The following DPP6 variants were observed in gnomAD, a reference collection of about 807,000 sequenced individuals.
The protein encoded by DPP6 is A-type potassium channel modulatory protein DPP6.
Under a neutral mutation model 122.6 loss-of-function variants are expected in DPP6, and 69 were observed. The ratio of observed to expected loss-of-function variants is 0.56; its 90% CI spans 0.46 to 0.69. The LOEUF (loss-of-function observed/expected upper bound fraction) is 0.69, where lower values mean the gene tolerates loss of function less well. DPP6 is among the 30% of genes least tolerant of loss of function. DPP6 has a pLI of 0.00. For synonymous variants in DPP6, 418 were observed against 433.1 expected, an observed-to-expected ratio of 0.97 and a Z score of 0.43; for missense variants, 928 against 1,116.9, an observed-to-expected ratio of 0.83 and a Z score of 2.41.
In DPP6 at chr7:153,923,617, C is replaced by T. The variant is rs568853461; in HGVS notation, c.51+35883C>T. 5.3e-5 allele frequency among the ~76,000 whole-genome samples: 8 copies of T among 151,898 alleles called. No homozygotes were observed. The South Asian group carries it at 8.3e-4, about 16-fold the overall frequency. On this transcript the variant is annotated intron_variant, in intron 1 of 25. Coordinates refer to the DPP6 transcript ENST00000404039. ...TCTACTAAAAATACAAAAAATTAGC[C>T]GGGCATGGTGGCGGGCACCTGTAGT...
At chr7:154,480,053 G>C (rs1823120752) in intron 3 of DPP6, among the ~76,000 whole-genome samples, 1 of 150,562 alleles carries the variant, frequency 6.6e-6, no homozygotes, top group Admixed American at 6.6e-5. Flanking sequence ...CCTGTCTGCT[G>C]TCTGCACTCA....
At chr7:154,499,659 TA>T (rs138794922) in intron 3 of DPP6, among the ~76,000 whole-genome samples, 1 of 151,996 alleles carries the variant, frequency 6.6e-6, no homozygotes, top group Non-Finnish European at 1.5e-5. Context: ...TAGGGAATAA[TA>T]AAAAAATTCC....
chr7:154,804,980 C>T lies in DPP6; in HGVS notation c.1547+16C>T, dbSNP rs1198226788. The T allele has an allele frequency of 5.0e-6, 8 of 1,590,808 alleles. No individual in the cohort carries two copies. Among genetic ancestry groups the T allele is most frequent in the Non-Finnish European group, 6.0e-6 (7 of 1,167,818 alleles). ...AACTCTACAGGTAACTCCTGCTCCCCCTGCACACAGGGCTCTCCCCCTTAG... is the reference window on the plus strand; with the variant it reads ...AACTCTACAGGTAACTCCTGCTCCCTCTGCACACAGGGCTCTCCCCCTTAG... On this transcript the variant is annotated intron_variant, in intron 15 of 25. Transcript: ENST00000377770.
At chr7:153,938,033 A>C (rs1183421931) in intron 1 of DPP6, among the ~76,000 whole-genome samples, 1 of 152,196 alleles carries the variant, frequency 6.6e-6, no homozygotes, top group African/African-American at 2.4e-5. Context: ...AACCTCTGAG[A>C]CAGGGGCAAG....
Position 154,100,924 on chromosome 7 carries a change from G to T in DPP6, c.243+47861G>T, listed in dbSNP as rs1189467872. On this transcript the variant is annotated intron_variant, in intron 1 of 25. Coordinates refer to ENST00000377770, the MANE Select transcript of DPP6 (RefSeq NM_130797.4). ...TCAAACCACCTCTGCTGTGAAGCCT[G>T]CCCTTCCTCGTCAAGACCCCAAACG... Among the ~76,000 whole-genome samples the T allele has an allele frequency of 5.1e-4, 74 of 144,194 alleles. 1 individual carries two copies. Among genetic ancestry groups the T allele is most frequent in the African/African-American group, 1.7e-3 (68 of 40,512 alleles). The allele number at this position is 144,194 out of a possible 152,430, so 94.6% of individuals were successfully genotyped here. A position where few individuals can be genotyped will look rare whatever the true frequency, so the allele number is the denominator to read the frequency against.
At chr7:153,773,328 A>ATTT in the DPP6 span, among the ~76,000 whole-genome samples, 282 of 68,326 alleles carry the variant, frequency 4.1e-3, 2 homozygotes, top group African/African-American at 8.0e-3. Flanking sequence ...ATATATATAT[A>ATTT]TATTTTTTTT....
chr7:153,752,946 T>C, the DPP6 span, among the ~76,000 whole-genome samples: 1 of 151,790 alleles, frequency 6.6e-6, no homozygotes, highest in Non-Finnish European at 1.5e-5. Context: ...GTTAAGAAAA[T>C]CCCCATGTAA....
intron 16 of DPP6, among the ~76,000 whole-genome samples, chr7:154,837,414 G>C (rs572430080): frequency 1.3e-5 from 2 of 151,940 alleles, no homozygotes; most frequent in East Asian, 3.9e-4. Flanking sequence ...ATGTTCACAC[G>C]TGTATGCATA....
intron 1 of DPP6, among the ~76,000 whole-genome samples, chr7:154,170,510 C>T (rs1475859730): frequency 1.3e-5 from 2 of 152,198 alleles, no homozygotes; most frequent in Non-Finnish European, 1.5e-5. Context: ...TGGGGCTCAG[C>T]CTCCTGCTCA....
Position 154,423,317 on chromosome 7 carries a change from C to T in DPP6, c.244-22897C>T, listed in dbSNP as rs117492797. Among the ~76,000 whole-genome samples, 506 of 152,198 alleles carry T rather than the reference C, an allele frequency of 3.3e-3. 12 individuals are homozygous for T. The highest frequency in any genetic ancestry group is 0.025 in the Admixed American group (388 of 15,280). ...CCGAGGGTTAGTCATGTGATAATGT[C>T]GGTGGTGTCTGCGAACTGGCAATTA... On this transcript the variant is annotated intron_variant, in intron 1 of 25. Coordinates refer to ENST00000377770, the MANE Select transcript of DPP6 (RefSeq NM_130797.4).
chr7:154,475,461 AG>A (rs1250882272), intron 3 of DPP6: 1 of 238,380 alleles, frequency 4.2e-6, no homozygotes, highest in African/African-American at 2.3e-5. Flanking sequence ...AAGGACCAAA[AG>A]CAACTCATGG....
At chr7:153,880,464 A>T in the DPP6 span, among the ~76,000 whole-genome samples, 1 of 152,224 alleles carries the variant, frequency 6.6e-6, no homozygotes, top group Non-Finnish European at 1.5e-5. Flanking sequence ...TGTACTTCTT[A>T]CACTTCCTTA....
chr7:154,130,355 C>T (rs1280157481), intron 1 of DPP6, among the ~76,000 whole-genome samples: 1 of 152,046 alleles, frequency 6.6e-6, no homozygotes, highest in Non-Finnish European at 1.5e-5. Context: ...TGAAACTTGC[C>T]AGCTGTAAGA....
In DPP6 at chr7:154,412,505, C is replaced by T. The variant is rs1231341082; in HGVS notation, c.244-33709C>T. ...TCCCCACCTCATTTAACCTTAATTG[C>T]CTTCTTAGAGGCCCCATCTCTAATG... On this transcript the variant is annotated intron_variant, in intron 1 of 25. Coordinates refer to ENST00000377770, the MANE Select transcript of DPP6 (RefSeq NM_130797.4). Among the ~76,000 whole-genome samples, 3 of 152,082 alleles carry T rather than the reference C, an allele frequency of 2.0e-5. No individual in the cohort carries two copies. The East Asian group carries it at 5.8e-4, about 29-fold the overall frequency.
chr7:154,408,104 T>A (rs1816275513), intron 1 of DPP6, among the ~76,000 whole-genome samples: 1 of 152,192 alleles, frequency 6.6e-6, no homozygotes, highest in South Asian at 2.1e-4. Flanking sequence ...GAAATTCAAA[T>A]GTGGGAAGTA....
chr7:153,806,492 C>A, the DPP6 span, among the ~76,000 whole-genome samples: 1 of 151,476 alleles, frequency 6.6e-6, no homozygotes, highest in African/African-American at 2.4e-5. Flanking sequence ...GGGTGTGAGA[C>A]TCAATTTCCA....
At chr7:154,032,421 G>T (rs1799291565) in intron 1 of DPP6, among the ~76,000 whole-genome samples, 1 of 152,054 alleles carries the variant, frequency 6.6e-6, no homozygotes. Context: ...ATACCGTTGG[G>T]AGCACTGATT....
At chr7:153,752,828 C>A in the DPP6 span, among the ~76,000 whole-genome samples, 1 of 145,846 alleles carries the variant, frequency 6.9e-6, no homozygotes. Flanking sequence ...CCCCACAACC[C>A]CAGAAAAAAA....
At chr7:154,524,058 A>T (rs1487142759) in intron 3 of DPP6, among the ~76,000 whole-genome samples, 1 of 152,114 alleles carries the variant, frequency 6.6e-6, no homozygotes, top group Non-Finnish European at 1.5e-5. Flanking sequence ...GAAAGGTGGA[A>T]CTCTCCTTCA....
Sources: gnomAD v4.1 joint callset for allele counts (sites outside exome capture counted in the v4.1 genomes callset) on GRCh38, gnomAD v4.1.1 for gene constraint, MANE v1.5 for transcripts, NCBI Gene and HGNC (gene_info 2026-07-23, HGNC 2026-07-21) for gene names.